The following NRXN3 variants were observed in gnomAD, a reference collection of about 807,000 sequenced individuals.
NRXN3 encodes the protein neurexin III.
Under a neutral mutation model 137.6 loss-of-function variants are expected in NRXN3, and 32 were observed. That is an observed-to-expected ratio of 0.23 (90% CI 0.18 to 0.31). NRXN3 has a LOEUF of 0.31. NRXN3 is among the 10% of genes least tolerant of loss of function. NRXN3 has a pLI of 1.00. For synonymous variants in NRXN3, 798 were observed against 784.5 expected, an observed-to-expected ratio of 1.02 and a Z score of -0.29; for missense variants, 1,574 against 2,062.5, an observed-to-expected ratio of 0.76 and a Z score of 4.59.
chr14:79,795,634 C>A (rs1466229776), intron 19 of NRXN3, among the ~76,000 whole-genome samples: 1 of 152,192 alleles, frequency 6.6e-6, no homozygotes, highest in Non-Finnish European at 1.5e-5. Flanking sequence ...GTTTCAAATA[C>A]CAAAACTTGC....
At chr14:79,725,280 C>T (rs569873616) in intron 19 of NRXN3, among the ~76,000 whole-genome samples, 1 of 152,244 alleles carries the variant, frequency 6.6e-6, no homozygotes, top group South Asian at 2.1e-4. Context: ...TTCCATTTTG[C>T]AAAACAAGAG....
chr14:78,850,380 C>G (rs1448193122), intron 10 of NRXN3, among the ~76,000 whole-genome samples: 1 of 152,058 alleles, frequency 6.6e-6, no homozygotes, highest in African/African-American at 2.4e-5. Flanking sequence ...ATGACGGAGT[C>G]CATAGTGATT....
At chr14:78,664,203 AT>A (rs1181657222) in intron 6 of NRXN3, among the ~76,000 whole-genome samples, 2 of 152,158 alleles carry the variant, frequency 1.3e-5, no homozygotes, top group Non-Finnish European at 2.9e-5. Flanking sequence ...GTTCTATCTC[AT>A]ACTTTGTAGG....
intron 15 of NRXN3, among the ~76,000 whole-genome samples, chr14:79,143,421 A>C (rs2059000013): frequency 2.6e-5 from 4 of 152,236 alleles, no homozygotes; most frequent in South Asian, 2.1e-4. Context: ...TGCAGCATCT[A>C]GATTGAACTC....
chr14:79,673,378 TAAG>T (rs2098622176), intron 17 of NRXN3, among the ~76,000 whole-genome samples: 1 of 152,108 alleles, frequency 6.6e-6, no homozygotes, highest in African/African-American at 2.4e-5. Flanking sequence ...TAGCACAGCA[TAAG>T]AAGACTTAGG....
intron 16 of NRXN3, among the ~76,000 whole-genome samples, chr14:79,564,962 A>G (rs764254937): frequency 7.9e-5 from 12 of 152,068 alleles, no homozygotes; most frequent in Non-Finnish European, 5.9e-5. Context: ...GGAGAATAAA[A>G]TCACAGCAAG....
intron 16 of NRXN3, among the ~76,000 whole-genome samples, chr14:79,610,281 T>C (rs1472226092): frequency 6.6e-6 from 1 of 152,186 alleles, no homozygotes; most frequent in Non-Finnish European, 1.5e-5. Context: ...TTATCTGGGT[T>C]CATTACTTGT....
intron 19 of NRXN3, among the ~76,000 whole-genome samples, chr14:79,754,432 T>G (rs1294905566): frequency 1.3e-5 from 2 of 148,164 alleles, no homozygotes; most frequent in Non-Finnish European, 3.0e-5. Context: ...CTCCAGATTT[T>G]GTATCCACAG....
intron 15 of NRXN3, among the ~76,000 whole-genome samples, chr14:79,397,291 A>G (rs939478560): frequency 2.1e-4 from 32 of 152,158 alleles, no homozygotes; most frequent in African/African-American, 7.2e-4. Flanking sequence ...TTCTAATTAC[A>G]TGCATCTTTC....
intron 1 of NRXN3, among the ~76,000 whole-genome samples, chr14:78,214,619 T>C (rs763369450): frequency 2.4e-4 from 37 of 152,162 alleles, no homozygotes; most frequent in Non-Finnish European, 5.3e-4. Context: ...AATAAGTGGA[T>C]ATTCGATCAG....
chr14:78,235,310 A>G (rs1023661030), intron 1 of NRXN3, among the ~76,000 whole-genome samples: 1 of 152,014 alleles, frequency 6.6e-6, no homozygotes, highest in Non-Finnish European at 1.5e-5. Context: ...GGCTCTCTCC[A>G]TCTTCACTGG....
chr14:78,326,510 T>A (rs1377018466), intron 4 of NRXN3, among the ~76,000 whole-genome samples: 1 of 152,036 alleles, frequency 6.6e-6, no homozygotes, highest in African/African-American at 2.4e-5. Context: ...GAAGGGACTG[T>A]GAGGGAGTCA....
At chr14:79,174,846 T>A (rs1409372873) in intron 15 of NRXN3, among the ~76,000 whole-genome samples, 3 of 151,996 alleles carry the variant, frequency 2.0e-5, no homozygotes, top group East Asian at 3.9e-4. Flanking sequence ...ATAAGAATGA[T>A]GCAGGTTATT....
intron 15 of NRXN3, among the ~76,000 whole-genome samples, chr14:79,117,518 T>C (rs754913603): frequency 5.3e-5 from 8 of 152,192 alleles, no homozygotes; most frequent in Admixed American, 3.9e-4. Flanking sequence ...AGGATTTTTA[T>C]TATACTTCCT....
intron 17 of NRXN3, among the ~76,000 whole-genome samples, chr14:79,675,446 G>T (rs886460354): frequency 1.3e-5 from 2 of 152,020 alleles, no homozygotes; most frequent in Non-Finnish European, 2.9e-5. Context: ...GATGAACCAC[G>T]TTTCCCCATT....
At chr14:79,356,414 T>C (rs1273521398) in intron 15 of NRXN3, among the ~76,000 whole-genome samples, 1 of 152,180 alleles carries the variant, frequency 6.6e-6, no homozygotes, top group East Asian at 1.9e-4. Flanking sequence ...ATGCACAACT[T>C]TCTCCCAGCT....
At chr14:79,832,927 A>C (rs1277577890) in intron 20 of NRXN3, among the ~76,000 whole-genome samples, 1 of 152,132 alleles carries the variant, frequency 6.6e-6, no homozygotes, top group Non-Finnish European at 1.5e-5. Context: ...TATCCACTGA[A>C]TCTTGGTTTG....
intron 6 of NRXN3, among the ~76,000 whole-genome samples, chr14:78,653,279 T>C (rs2097760666): frequency 6.6e-6 from 1 of 152,172 alleles, no homozygotes; most frequent in East Asian, 1.9e-4. Flanking sequence ...TTGGATAGAA[T>C]AAAGGTATAG....
chr14:78,350,059 AG>A (rs942008072), intron 4 of NRXN3, among the ~76,000 whole-genome samples: 2 of 152,198 alleles, frequency 1.3e-5, no homozygotes, highest in African/African-American at 4.8e-5. Flanking sequence ...AAGCTGAGGC[AG>A]GTGGATCACC....
Sources: gnomAD v4.1 joint callset for allele counts (sites outside exome capture counted in the v4.1 genomes callset) on GRCh38, gnomAD v4.1.1 for gene constraint, MANE v1.5 for transcripts, NCBI Gene and HGNC (gene_info 2026-07-23, HGNC 2026-07-21) for gene names.